Variants in SLC16A11 observed in about 807,000 individuals in gnomAD.
SLC16A11 encodes solute carrier family 16 member 11.
A neutral mutation model predicts 26.0 loss-of-function variants in SLC16A11; 24 were observed. The ratio of observed to expected loss-of-function variants is 0.92; its 90% CI spans 0.67 to 1.30. The LOEUF (loss-of-function observed/expected upper bound fraction) is 1.30. Among genes scored for constraint, SLC16A11 ranks in the 50% most tolerant of loss-of-function variants. The pLI is 0.00. For synonymous variants in SLC16A11, 332 were observed against 296.0 expected (o/e 1.12, Z -1.25); for missense variants, 638 against 597.7 (o/e 1.07, Z -0.70).
Position 7,043,086 on chromosome 17 carries a change from G to A in SLC16A11, c.203-13C>T. On this transcript the variant is annotated splice_polypyrimidine_tract_variant and intron_variant, in intron 2 of 4. Transcript: ENST00000574600. ...CTGCCCACGGGGCCTGAAAGGGGGCGGAGTCAACGGAAGACACGCCCCCGG... is the reference window on the plus strand; with the variant it reads ...CTGCCCACGGGGCCTGAAAGGGGGCAGAGTCAACGGAAGACACGCCCCCGG... 6.6e-7 allele frequency: 1 copy of A among 1,518,156 alleles called. No individual in the cohort carries two copies. Among genetic ancestry groups the A allele is most frequent in the Non-Finnish European group, 8.8e-7 (1 of 1,134,304 alleles). The allele number at this position is 1,518,156 out of a possible 1,614,324, so 94.0% of individuals were successfully genotyped here.
chr17:7,042,303 G>A lies in SLC16A11; in HGVS notation c.807C>T (p.Ala269=), dbSNP rs1181726481. 3 of 1,551,822 alleles carry A rather than the reference G, an allele frequency of 1.9e-6. No individual in the cohort carries two copies. The African/African-American group carries it at 4.1e-5, about 21-fold the overall frequency. Residue 269 remains alanine, a synonymous_variant, in exon 4 of 5, where the codon GCC becomes GCT. Transcript: ENST00000574600. The surrounding 1 kb of genome is among the most constrained non-coding windows in gnomAD (Gnocchi z 5.9). ...CTGCCAGCCACCCGCAGACCAGCCG[G>A]GCGCCCGCATCCCCCATCGCAGCCA... The part of the protein sequence containing the change: ...VAVAAMGDAG[A]RLVCGWLADQ...
In SLC16A11 at chr17:7,042,368, G is replaced by C; in HGVS notation, c.742C>G (p.Arg248Gly). The C allele has an allele frequency of 6.4e-7, 1 of 1,565,488 alleles. No individual in the cohort carries two copies. The highest frequency in any genetic ancestry group is 8.7e-7 in the Non-Finnish European group (1 of 1,154,326). ...GCTGCTCCGTATCCCCCCAGGCCCCGGTCTAAAGCGTGGGGAGCCAAGTGC... is the reference window on the plus strand; with the variant it reads ...GCTGCTCCGTATCCCCCCAGGCCCCCGTCTAAAGCGTGGGGAGCCAAGTGC... ...YVHLAPHALD[R>G]GLGGYGAALV... The change falls in exon 4 of 5, where the codon CGG becomes GGG. Residue 248 changes from arginine to glycine, a missense_variant. Physicochemically the swap from Arg to Gly is moderately radical, Grantham distance 125 (BLOSUM62 -2). Coordinates refer to ENST00000574600, the MANE Select transcript of SLC16A11 (RefSeq NM_001370549.1). This position sits in a 1 kb window ranked among gnomAD's most constrained non-coding sequence, Gnocchi z 5.9.
chr17:7,042,887 A>T lies in SLC16A11; in HGVS notation c.346+43T>A. 6.2e-7 allele frequency: 1 copy of T among 1,611,240 alleles called. No individual in the cohort carries two copies. The highest frequency in any genetic ancestry group is 1.3e-5 in the African/African-American group (1 of 74,892). The stretch of plus-strand genomic sequence containing the variant: ...CCCCAGATCCCAACAAGCTCCTGTC[A>T]CCTCCTTCACCCTGAATGACCCGGG... On this transcript the variant is annotated intron_variant, in intron 3 of 4. Coordinates refer to ENST00000574600, the MANE Select transcript of SLC16A11 (RefSeq NM_001370549.1). This position sits in a 1 kb window ranked among gnomAD's most constrained non-coding sequence, Gnocchi z 5.9.
rs1351691651 is a variant in SLC16A11, at chr17:7,043,849, C to T, written c.-81G>A. On this transcript the variant is annotated 5_prime_UTR_variant, in exon 1 of 5. Transcript: ENST00000574600. ...CCCGGCTTTCTCTCTGCTTCCCAGG[C>T]GGGCGGGGGCCCCGAAGGGGAGCGA... The T allele has an allele frequency of 2.7e-5, 11 of 413,392 alleles. No individual in the cohort carries two copies. In the East Asian group the frequency reaches 4.2e-4, roughly 16 times the overall value. 25.6% of individuals were successfully genotyped at this position (413,392 alleles called of 1,614,324 possible). A position where few individuals can be genotyped will look rare whatever the true frequency, so the allele number is the denominator to read the frequency against.
In SLC16A11 at chr17:7,042,725, T is replaced by C. The variant is rs755152407; in HGVS notation, c.385A>G (p.Thr129Ala). The C allele has an allele frequency of 3.0e-5, 46 of 1,542,730 alleles. No homozygotes were observed. Among genetic ancestry groups the C allele is most frequent in the Non-Finnish European group, 3.9e-5 (45 of 1,148,446 alleles). The change falls in exon 4 of 5, where the codon ACC (threonine) becomes GCC (alanine). Residue 129 changes from threonine to alanine, a missense_variant. Physicochemically the swap from Thr to Ala is moderately conservative, Grantham distance 58. Transcript: ENST00000574600. This position sits in a 1 kb window ranked among gnomAD's most constrained non-coding sequence, Gnocchi z 5.9. ...CGGCGGGAGAAGTAACGCGAGAGGG[T>C]GCCTAGGGCGGGGGCGAACACCAGG... is the stretch of plus-strand genomic sequence containing the variant. The part of the protein sequence containing the change: ...WALVFAPALG[T>A]LSRYFSRRRV...
At position 7,043,015 on chromosome 17, in the gene SLC16A11, C is replaced by G; in HGVS notation, c.261G>C (p.Gly87=). 1 of 1,596,252 alleles carries G rather than the reference C, an allele frequency of 6.3e-7. No homozygotes were observed. The highest frequency in any genetic ancestry group is 8.5e-7 in the Non-Finnish European group (1 of 1,171,670). Reference sequence around the variant, plus strand: ...CGAAGCCCAGCGAGGCGAGGACGCCCCCAACCATCACCACGGGGCGGGCCC... The same window carrying G: ...CGAAGCCCAGCGAGGCGAGGACGCCGCCAACCATCACCACGGGGCGGGCCC... The part of the protein sequence containing the change: ...RWGARPVVMV[G]GVLASLGFVF... The change falls in exon 3 of 5, where the codon GGG becomes GGC. Residue 87 remains glycine (G), a synonymous_variant. Transcript: ENST00000574600.
chr17:7,042,617 C>G lies in SLC16A11; in HGVS notation c.493G>C (p.Asp165His), dbSNP rs199684329. ...LLAPALQLLL[D>H]TFGWRGALLL... ...AGAGCGCCCCGCCAGCCGAAAGTAT[C>G]GAGAAGAAGCTGCAAGGCGGGCGCC... Residue 165 changes from aspartate to histidine, a missense_variant, in exon 4 of 5, where the codon GAT (aspartate) becomes CAT (histidine). By Grantham distance (81) the Asp-to-His change is moderately conservative. Coordinates refer to ENST00000574600, the MANE Select transcript of SLC16A11 (RefSeq NM_001370549.1). This position sits in a 1 kb window ranked among gnomAD's most constrained non-coding sequence, Gnocchi z 5.9. The G allele has an allele frequency of 2.7e-4, 435 of 1,583,382 alleles. 1 individual carries two copies. Among genetic ancestry groups the G allele is most frequent in the Non-Finnish European group, 3.4e-4 (402 of 1,168,034 alleles).
chr17:7,042,469 A>G lies in SLC16A11; in HGVS notation c.641T>C (p.Leu214Pro), dbSNP rs372321938. Reference protein sequence around the residue: ...RSPLAALGLSLFTRRAFSIFA... With the variant: ...RSPLAALGLSPFTRRAFSIFA... ...GATTGAGAAGGCCCGGCGTGTGAAC[A>G]GACTCAGGCCGAGGGCAGCTAGGGG... Residue 214 changes from leucine (L) to proline (P), a missense_variant, in exon 4 of 5, where the codon CTG becomes CCG. By Grantham distance (98) the Leu-to-Pro change is moderately conservative. Coordinates refer to ENST00000574600, the MANE Select transcript of SLC16A11 (RefSeq NM_001370549.1). The surrounding 1 kb of genome is among the most constrained non-coding windows in gnomAD (Gnocchi z 5.9). 102 of 1,557,654 alleles carry G rather than the reference A, an allele frequency of 6.5e-5. No homozygotes were observed. In the African/African-American group the frequency reaches 7.4e-4, roughly 11 times the overall value.
intron 1 of SLC16A11, 70 bp from the exon 2 acceptor site, chr17:7,043,589 T>G (rs745931522): frequency 6.5e-7 from 1 of 1,537,208 alleles, no homozygotes. Context: ...CTGGCATCCC[T>G]GAGATCCAGC....
chr17:7,043,635 G>C lies in SLC16A11; in HGVS notation c.-6-116C>G, dbSNP rs544034759. On this transcript the variant is annotated intron_variant, in intron 1 of 4. Coordinates refer to ENST00000574600, the MANE Select transcript of SLC16A11 (RefSeq NM_001370549.1). ...TCGCCCGGGGTGGGCCCGTCACTCC[G>C]AGCGCGATGGCGCGGGGCGGAGGGA... 6.0e-6 allele frequency: 9 copies of C among 1,493,884 alleles called. No homozygotes were observed. The African/African-American group carries it at 8.4e-5, about 14-fold the overall frequency. The allele number at this position is 1,493,884 out of a possible 1,614,324, so 92.5% of individuals were successfully genotyped here.
rs774414745 is a variant in SLC16A11 at position 7,042,853 on chromosome 17, C to T, written c.346+77G>A. On this transcript the variant is annotated intron_variant, in intron 3 of 4. Coordinates refer to ENST00000574600, the MANE Select transcript of SLC16A11 (RefSeq NM_001370549.1). The surrounding 1 kb of genome is among the most constrained non-coding windows in gnomAD (Gnocchi z 5.9). ...GGCTCTCCGCACCAGGCCCCCGCCTCGTTCGCTACCCCAGATCCCAACAAG... is the reference window on the plus strand; with the variant it reads ...GGCTCTCCGCACCAGGCCCCCGCCTTGTTCGCTACCCCAGATCCCAACAAG... 1.3e-6 allele frequency: 2 copies of T among 1,595,460 alleles called. No homozygotes were observed. The highest frequency in any genetic ancestry group is 8.5e-7 in the Non-Finnish European group (1 of 1,171,548).
In SLC16A11 at chr17:7,043,793, G is replaced by T; in HGVS notation, c.-25C>A. On this transcript the variant is annotated 5_prime_UTR_variant, in exon 1 of 5. Coordinates refer to ENST00000574600, the MANE Select transcript of SLC16A11 (RefSeq NM_001370549.1). ...CCCTTACCCGACCTCTCCGGGCGGT[G>T]CGGGGAGGGGAAGGGTGAGGAAGGG... is the stretch of plus-strand genomic sequence containing the variant. 1 of 555,568 alleles carries T rather than the reference G, an allele frequency of 1.8e-6. No homozygotes were observed. Among genetic ancestry groups the T allele is most frequent in the Non-Finnish European group, 3.0e-6 (1 of 337,574 alleles). 34.4% of individuals were successfully genotyped at this position (555,568 alleles called of 1,614,324 possible). A position where few individuals can be genotyped will look rare whatever the true frequency, so the allele number is the denominator to read the frequency against.
At position 7,042,531 on chromosome 17, in the gene SLC16A11, CA is replaced by C. The variant is rs1567734502; in HGVS notation, c.578del (p.Leu193ArgfsTer15). 1.3e-6 allele frequency: 2 copies of C among 1,570,622 alleles called. No individual in the cohort carries two copies. Among genetic ancestry groups the C allele is most frequent in the Non-Finnish European group, 1.7e-6 (2 of 1,158,598 alleles). On this transcript the variant is annotated frameshift_variant, in exon 4 of 5. Coordinates refer to ENST00000574600, the MANE Select transcript of SLC16A11 (RefSeq NM_001370549.1). LOFTEE classifies it high-confidence loss of function. The surrounding 1 kb of genome is among the most constrained non-coding windows in gnomAD (Gnocchi z 5.9). ...LTPCGALLLP[L>X]VLPGDPPAPP... ...GGGCTGGGGGGTCTCCAGGAAGGAC[CA>C]GGGGTAGCAGCAGGGCGCCACAGGG... is the stretch of plus-strand genomic sequence containing the variant.
intron 1 of SLC16A11, 80 bp downstream of exon 1, chr17:7,043,695 C>A (rs1055830153): frequency 2.5e-5 from 34 of 1,338,118 alleles, no homozygotes; most frequent in Admixed American, 5.8e-5. Flanking sequence ...ACTCCCGGGT[C>A]CGCGCGAGGT....
In SLC16A11 at chr17:7,043,020, C is replaced by A; in HGVS notation, c.256G>T (p.Val86Phe). 6.3e-7 allele frequency: 1 copy of A among 1,592,338 alleles called. No individual in the cohort carries two copies. Among genetic ancestry groups the A allele is most frequent in the Non-Finnish European group, 8.6e-7 (1 of 1,169,522 alleles). ...CCCAGCGAGGCGAGGACGCCCCCAA[C>A]CATCACCACGGGGCGGGCCCCCCAG... is the stretch of plus-strand genomic sequence containing the variant. ...TRWGARPVVM[V>F]GGVLASLGFV... Residue 86 changes from valine (V) to phenylalanine (F), a missense_variant, in exon 3 of 5, where the codon GTT becomes TTT. Transcript: ENST00000574600.
chr17:7,043,578 GC>G, intron 1 of SLC16A11, 59 bp from the exon 2 acceptor site: 1 of 1,545,474 alleles, frequency 6.5e-7, no homozygotes, highest in African/African-American at 1.4e-5. Flanking sequence ...CCGCTGGGGA[GC>G]TGGCATCCCT....
At position 7,043,791 on chromosome 17, in the gene SLC16A11, G is replaced by A. The variant is rs1389699370; in HGVS notation, c.-23C>T. On this transcript the variant is annotated 5_prime_UTR_variant, in exon 1 of 5. Coordinates refer to ENST00000574600, the MANE Select transcript of SLC16A11 (RefSeq NM_001370549.1). Reference sequence around the variant, plus strand: ...CCCCCTTACCCGACCTCTCCGGGCGGTGCGGGGAGGGGAAGGGTGAGGAAG... The same window carrying A: ...CCCCCTTACCCGACCTCTCCGGGCGATGCGGGGAGGGGAAGGGTGAGGAAG... 4 of 556,746 alleles carry A rather than the reference G, an allele frequency of 7.2e-6. No individual in the cohort carries two copies. Among genetic ancestry groups the A allele is most frequent in the Non-Finnish European group, 8.9e-6 (3 of 338,934 alleles). The allele number at this position is 556,746 out of a possible 1,614,324, so 34.5% of individuals were successfully genotyped here. A position where few individuals can be genotyped will look rare whatever the true frequency, so the allele number is the denominator to read the frequency against.
chr17:7,043,992 T>C lies in SLC16A11; in HGVS notation c.-224A>G, dbSNP rs928474233. The C allele has an allele frequency of 5.7e-6, 1 of 176,938 alleles. No homozygotes were observed. The highest frequency in any genetic ancestry group is 6.2e-5 in the Admixed American group (1 of 16,168). The allele number at this position is 176,938 out of a possible 1,614,324, so 11.0% of individuals were successfully genotyped here. On this transcript the variant is annotated 5_prime_UTR_variant, in exon 1 of 5. Coordinates refer to ENST00000574600, the MANE Select transcript of SLC16A11 (RefSeq NM_001370549.1). ...GGCGGGGGCGAGCTGAAACAGCCAA[T>C]CCGGCAAGCCGCGCGTGAGGCCAGA...
In SLC16A11 at chr17:7,042,848, C is replaced by G; in HGVS notation, c.346+82G>C. 1 of 1,589,338 alleles carries G rather than the reference C, an allele frequency of 6.3e-7. No homozygotes were observed. On this transcript the variant is annotated intron_variant, in intron 3 of 4. Coordinates refer to ENST00000574600, the MANE Select transcript of SLC16A11 (RefSeq NM_001370549.1). The surrounding 1 kb of genome is among the most constrained non-coding windows in gnomAD (Gnocchi z 5.9). ...AGCCCGGCTCTCCGCACCAGGCCCCCGCCTCGTTCGCTACCCCAGATCCCA... is the reference window on the plus strand; with the variant it reads ...AGCCCGGCTCTCCGCACCAGGCCCCGGCCTCGTTCGCTACCCCAGATCCCA...
Sources: allele counts gnomAD v4.1 joint callset, GRCh38; gene constraint gnomAD v4.1.1; non-coding constraint Gnocchi (gnomAD v3.1); transcripts MANE v1.5; gene names NCBI Gene and HGNC (gene_info 2026-07-23, HGNC 2026-07-21).